The following PHF24 variants were observed in gnomAD, a reference collection of about 807,000 sequenced individuals.
PHF24 encodes the protein Galpha inhibitory interacting protein.
Under a neutral mutation model 42.6 loss-of-function variants are expected in PHF24, and 25 were observed. That is an observed-to-expected ratio of 0.59 (90% CI 0.43 to 0.82). PHF24 has a LOEUF of 0.82. Among genes scored for constraint, PHF24 ranks in the 40% least tolerant of loss-of-function variants. PHF24 has a pLI of 0.00. For synonymous variants in PHF24, 185 were observed against 204.8 expected, an observed-to-expected ratio of 0.90 and a Z score of 0.83; for missense variants, 470 against 538.1, an observed-to-expected ratio of 0.87 and a Z score of 1.25.
At chr9:34,826,397 G>A in the PHF24 span, among the ~76,000 whole-genome samples, 1 of 152,186 alleles carries the variant, frequency 6.6e-6, no homozygotes, top group Non-Finnish European at 1.5e-5. Context: ...CTAGACCATG[G>A]GCTCCAGAGG....
At chr9:34,783,015 A>G in the PHF24 span, among the ~76,000 whole-genome samples, 1 of 152,126 alleles carries the variant, frequency 6.6e-6, no homozygotes, top group Non-Finnish European at 1.5e-5. Flanking sequence ...TTTCTGACCT[A>G]TCTCTTTTCT....
chr9:34,904,976 C>T, the PHF24 span, among the ~76,000 whole-genome samples: 5 of 151,724 alleles, frequency 3.3e-5, no homozygotes, highest in African/African-American at 1.2e-4. Flanking sequence ...TGTAAATAGA[C>T]CTAGAAGGAG....
At chr9:34,786,635 G>A in the PHF24 span, among the ~76,000 whole-genome samples, 2 of 152,188 alleles carry the variant, frequency 1.3e-5, no homozygotes, top group Non-Finnish European at 2.9e-5. Flanking sequence ...TTTTGCAAGT[G>A]AAATGAACAT....
At chr9:34,820,333 C>A in the PHF24 span, among the ~76,000 whole-genome samples, 1 of 151,980 alleles carries the variant, frequency 6.6e-6, no homozygotes, top group Admixed American at 6.6e-5. Context: ...TTTCATCACC[C>A]AGGTAATAAA....
At chr9:34,829,311 C>T in the PHF24 span, among the ~76,000 whole-genome samples, 512 of 152,118 alleles carry the variant, frequency 3.4e-3, 1 homozygote, top group South Asian at 0.018. Context: ...GGCAGGGAAT[C>T]GAGAGTTCAT....
At chr9:34,816,184 C>T in the PHF24 span, among the ~76,000 whole-genome samples, 1 of 152,184 alleles carries the variant, frequency 6.6e-6, no homozygotes, top group East Asian at 1.9e-4. Context: ...CTTCTGCATA[C>T]ACCATCCTGT....
the PHF24 span, among the ~76,000 whole-genome samples, chr9:34,696,870 C>T: frequency 6.2e-4 from 95 of 152,146 alleles, no homozygotes; most frequent in Non-Finnish European, 4.7e-4. Flanking sequence ...TCCCTCAGGA[C>T]CCACCCTGAC....
At chr9:34,802,417 A>C in the PHF24 span, among the ~76,000 whole-genome samples, 1 of 152,088 alleles carries the variant, frequency 6.6e-6, no homozygotes, top group Admixed American at 6.6e-5. Context: ...TTTCCGTCAT[A>C]GAATCTTTAT....
chr9:34,716,560 T>C, the PHF24 span, among the ~76,000 whole-genome samples: 2 of 106,604 alleles, frequency 1.9e-5, no homozygotes, highest in South Asian at 3.7e-4. Context: ...GTTTGTTTTG[T>C]TTTGCTTTGT....
the PHF24 span, among the ~76,000 whole-genome samples, chr9:34,743,264 T>C: frequency 6.6e-6 from 1 of 152,238 alleles, no homozygotes; most frequent in Non-Finnish European, 1.5e-5. Context: ...GTGTTACAAT[T>C]TGACAAAGTA....
chr9:34,685,860 A>G, the PHF24 span, among the ~76,000 whole-genome samples: 1 of 152,166 alleles, frequency 6.6e-6, no homozygotes, highest in South Asian at 2.1e-4. Context: ...TCCATTTGTA[A>G]TTAGGAGATA....
At chr9:34,770,370 C>T in the PHF24 span, among the ~76,000 whole-genome samples, 1 of 152,170 alleles carries the variant, frequency 6.6e-6, no homozygotes, top group African/African-American at 2.4e-5. Context: ...TCATGGCACA[C>T]TCTTTTGGCA....
the PHF24 span, among the ~76,000 whole-genome samples, chr9:34,863,171 C>G: frequency 1.3e-5 from 2 of 152,098 alleles, no homozygotes; most frequent in African/African-American, 4.8e-5. Flanking sequence ...TGGGCAGTAT[C>G]TCTAGACTCA....
the PHF24 span, among the ~76,000 whole-genome samples, chr9:34,695,093 A>G: frequency 6.6e-6 from 1 of 152,238 alleles, no homozygotes. Flanking sequence ...AGAACCAGCC[A>G]CATGGTTAGA....
chr9:34,958,095 C>T, upstream of PHF24, among the ~76,000 whole-genome samples: 1 of 149,506 alleles, frequency 6.7e-6, no homozygotes, highest in South Asian at 2.1e-4. The surrounding 1 kb of genome is among the most constrained non-coding windows in gnomAD (Gnocchi z 4.5). Context: ...GCCCGCGGAG[C>T]CGCGAGGGCG....
chr9:34,740,313 C>T, the PHF24 span, among the ~76,000 whole-genome samples: 22 of 152,326 alleles, frequency 1.4e-4, no homozygotes, highest in South Asian at 1.7e-3. Flanking sequence ...AGGCTTGGGC[C>T]GCCCAGGAGC....
the PHF24 span, among the ~76,000 whole-genome samples, chr9:34,810,598 T>C: frequency 6.6e-6 from 1 of 152,164 alleles, no homozygotes; most frequent in African/African-American, 2.4e-5. Context: ...GACTGTGCCC[T>C]AGAACTGTGG....
At chr9:34,782,957 T>C in the PHF24 span, among the ~76,000 whole-genome samples, 1 of 152,210 alleles carries the variant, frequency 6.6e-6, no homozygotes, top group Non-Finnish European at 1.5e-5. Flanking sequence ...CCCTTCCTGA[T>C]TTAGCTGCAA....
chr9:34,923,946 A>G, the PHF24 span, among the ~76,000 whole-genome samples: 16 of 152,114 alleles, frequency 1.1e-4, no homozygotes, highest in Middle Eastern at 6.8e-3. Context: ...ACTTATTGCT[A>G]TAAATTTTCC....
Sources: allele counts gnomAD v4.1 joint callset (sites outside exome capture counted in the v4.1 genomes callset), GRCh38; gene constraint gnomAD v4.1.1; non-coding constraint Gnocchi (gnomAD v3.1); transcripts MANE v1.5; gene names NCBI Gene and HGNC (gene_info 2026-07-23, HGNC 2026-07-21).